The following OSBPL9 variants were observed in gnomAD, a reference collection of about 807,000 sequenced individuals.
The protein encoded by OSBPL9 is oxysterol-binding protein-related protein 9.
Under a neutral mutation model 106.6 loss-of-function variants are expected in OSBPL9, and 40 were observed. The observed-to-expected ratio is 0.38, with a 90% CI of 0.29 to 0.49. The LOEUF is 0.49. OSBPL9 is among the 20% of genes least tolerant of loss of function. The pLI is 0.97. For missense variants in OSBPL9, 609 were observed against 887.2 expected (o/e 0.69, Z 3.98); for synonymous variants, 269 against 295.4 (o/e 0.91, Z 0.92).
chr1:51,550,883 C>T, the OSBPL9 span, among the ~76,000 whole-genome samples: 4 of 152,148 alleles, frequency 2.6e-5, no homozygotes, highest in Non-Finnish European at 4.4e-5. Context: ...TAAGTTTATA[C>T]AGAAGTTTAT....
At chr1:51,769,223 C>T (rs1673307185) in intron 12 of OSBPL9, among the ~76,000 whole-genome samples, 1 of 152,098 alleles carries the variant, frequency 6.6e-6, no homozygotes, top group Non-Finnish European at 1.5e-5. Flanking sequence ...TTTCTTTTTA[C>T]TATTTTTTGT....
chr1:51,707,184 T>C, intron 3 of OSBPL9: 1 of 404,224 alleles, frequency 2.5e-6, no homozygotes, highest in Non-Finnish European at 5.0e-6. Context: ...CCTGTTGGTG[T>C]AGCCAGATTC....
chr1:51,591,346 A>G (rs1367595162), intron 1 of OSBPL9, among the ~76,000 whole-genome samples: 3 of 152,216 alleles, frequency 2.0e-5, no homozygotes, highest in African/African-American at 7.2e-5. Flanking sequence ...CACTAGGATT[A>G]CAGGCGTGAG....
At chr1:51,740,064 T>C (rs1260359092) in intron 4 of OSBPL9, 1 of 1,529,208 alleles carries the variant, frequency 6.5e-7, no homozygotes, top group Non-Finnish European at 8.8e-7. Context: ...TTTCTCTTAC[T>C]ATTCCTTTAC....
At chr1:51,532,362 G>T in the OSBPL9 span, among the ~76,000 whole-genome samples, 1 of 152,192 alleles carries the variant, frequency 6.6e-6, no homozygotes, top group Non-Finnish European at 1.5e-5. Context: ...ACAAGCAAGA[G>T]AGGGAATTGC....
At chr1:51,584,631 G>A (rs1383283406) in intron 1 of OSBPL9, among the ~76,000 whole-genome samples, 3 of 152,104 alleles carry the variant, frequency 2.0e-5, no homozygotes, top group South Asian at 2.1e-4. Flanking sequence ...CAGGAGAATC[G>A]CTTGAACCTG....
intron 8 of OSBPL9, chr1:51,752,757 G>A (rs528165649): frequency 1.9e-4 from 55 of 292,172 alleles, no homozygotes; most frequent in Admixed American, 8.7e-4. Flanking sequence ...GAGCGTGCAC[G>A]TGTGAGATAG....
At chr1:51,760,153 T>C (rs1194746262) in intron 9 of OSBPL9, 1 of 154,286 alleles carries the variant, frequency 6.5e-6, no homozygotes, top group Non-Finnish European at 1.4e-5. Context: ...TACTACACGA[T>C]ATTTTATCAG....
chr1:51,687,915 T>C (rs989045926), intron 3 of OSBPL9, among the ~76,000 whole-genome samples: 1 of 152,168 alleles, frequency 6.6e-6, no homozygotes, highest in East Asian at 1.9e-4. Flanking sequence ...ACAAGGAGCC[T>C]AGTGTGGAGC....
At chr1:51,565,283 C>T in the OSBPL9 span, among the ~76,000 whole-genome samples, 1 of 152,158 alleles carries the variant, frequency 6.6e-6, no homozygotes, top group South Asian at 2.1e-4. Context: ...TTATCTCCTA[C>T]CATGCCCCAC....
intron 2 of OSBPL9, among the ~76,000 whole-genome samples, chr1:51,603,042 G>A (rs1312912599): frequency 2.0e-5 from 3 of 152,142 alleles, no homozygotes; most frequent in African/African-American, 7.2e-5. Context: ...TGTAGTCCCA[G>A]TTATAGGGTG....
intron 1 of OSBPL9, among the ~76,000 whole-genome samples, chr1:51,645,471 T>C (rs1646095438): frequency 6.6e-6 from 1 of 152,038 alleles, no homozygotes; most frequent in Admixed American, 6.6e-5. Flanking sequence ...GTAGTGTTTT[T>C]TGTTTGTTTG....
chr1:51,770,137 AT>A (rs111908339), intron 12 of OSBPL9, among the ~76,000 whole-genome samples: 16,291 of 141,132 alleles, frequency 0.12, 1,790 homozygotes, highest in African/African-American at 0.3. Context: ...TGCCCAGCTA[AT>A]TTTTTTTTTT....
intron 4 of OSBPL9, among the ~76,000 whole-genome samples, chr1:51,719,875 C>A (rs1661751586): frequency 6.6e-6 from 1 of 152,150 alleles, no homozygotes; most frequent in South Asian, 2.1e-4. Flanking sequence ...TATTGCCTTG[C>A]TAAAAGTGGG....
chr1:51,730,490 T>G (rs1664138047), intron 4 of OSBPL9, among the ~76,000 whole-genome samples: 1 of 152,154 alleles, frequency 6.6e-6, no homozygotes, highest in African/African-American at 2.4e-5. Flanking sequence ...ATAAAGTAAT[T>G]ACGGATGCTA....
At chr1:51,652,333 G>A (rs1646568796) in intron 2 of OSBPL9, among the ~76,000 whole-genome samples, 2 of 152,224 alleles carry the variant, frequency 1.3e-5, no homozygotes, top group African/African-American at 4.8e-5. Context: ...TGGAAATTAA[G>A]TGAGTTATGG....
chr1:51,570,612 T>A, the OSBPL9 span, among the ~76,000 whole-genome samples: 28 of 152,324 alleles, frequency 1.8e-4, no homozygotes, highest in South Asian at 4.6e-3. Flanking sequence ...GCCTCCAGGC[T>A]AGTGGTCTTT....
In OSBPL9 at chr1:51,772,611, T is replaced by C; in HGVS notation, c.1058T>C (p.Phe353Ser). 1 of 1,613,346 alleles carries C rather than the reference T, an allele frequency of 6.2e-7. No homozygotes were observed. The highest frequency in any genetic ancestry group is 8.5e-7 in the Non-Finnish European group (1 of 1,179,238). Reference protein sequence around the residue: ...LSNGTSDADLFDSHDDRDDDA... With the variant: ...LSNGTSDADLSDSHDDRDDDA... ...AAGATCTGCTTTATTTTAGACCTGT[T>C]TGATTCACATGATGACAGAGATGAT... Residue 353 changes from phenylalanine to serine, a missense_variant, in exon 14 of 24, where the codon TTT (phenylalanine) becomes TCT (serine). Around this residue, in one of 5 missense-constraint regions of OSBPL9, gnomAD observed 356 missense variants for 505.8 expected, o/e 0.70. Coordinates refer to ENST00000428468, the MANE Select transcript of OSBPL9 (RefSeq NM_024586.6).
chr1:51,663,784 T>G (rs1055055850), intron 2 of OSBPL9, among the ~76,000 whole-genome samples: 1 of 152,052 alleles, frequency 6.6e-6, no homozygotes, highest in Non-Finnish European at 1.5e-5. Flanking sequence ...TAGAAAGAAC[T>G]CCTACAAGTC....
Sources: gnomAD v4.1 joint callset for allele counts (sites outside exome capture counted in the v4.1 genomes callset) on GRCh38, gnomAD v4.1.1 for gene constraint, gnomAD v4.1.1 regional missense constraint, MANE v1.5 for transcripts, NCBI Gene and HGNC (gene_info 2026-07-23, HGNC 2026-07-21) for gene names.